The following KAZN variants were observed in gnomAD, a reference collection of about 807,000 sequenced individuals.
KAZN encodes kazrin.
A neutral mutation model predicts 87.4 loss-of-function variants in KAZN; 40 were observed. The observed-to-expected ratio is 0.46, with a 90% CI of 0.36 to 0.60. The LOEUF is 0.60. KAZN is among the 20% of genes least tolerant of loss of function. The probability of loss-of-function intolerance (pLI) is 0.00; values close to 1 mark genes in which losing one functional copy is unlikely to be tolerated. For synonymous variants in KAZN, 466 were observed against 458.3 expected (o/e 1.02, Z -0.22); for missense variants, 898 against 1,073.9 (o/e 0.84, Z 2.29).
chr1:15,057,006 G>A (rs1465844884), intron 5 of KAZN, among the ~76,000 whole-genome samples: 3 of 152,262 alleles, frequency 2.0e-5, no homozygotes. Context: ...CCAGAGGTAA[G>A]AGCTGGTCAC....
chr1:14,542,294 T>G (rs1296431517), intron 2 of KAZN, among the ~76,000 whole-genome samples: 1 of 46,208 alleles, frequency 2.2e-5, no homozygotes, highest in Non-Finnish European at 4.0e-5. Context: ...GGGACTGTTG[T>G]GGGGTGGGGG....
intron 2 of KAZN, among the ~76,000 whole-genome samples, chr1:14,420,883 T>TCCCTCCACCCCTCCCCTCCACACCTC (rs1665368596): frequency 6.8e-6 from 1 of 146,920 alleles, no homozygotes. Context: ...CCCGCACCTC[T>TCCCTCCACCCCTCCCCTCCACACCTC]CCCTCCACAC....
chr1:14,476,880 C>T (rs1042374414), intron 2 of KAZN, among the ~76,000 whole-genome samples: 13 of 152,116 alleles, frequency 8.5e-5, no homozygotes, highest in African/African-American at 2.7e-4. Context: ...TTTTGTTCTC[C>T]GACTATACCA....
At chr1:14,028,971 T>C (rs1024140466) in intron 1 of KAZN, among the ~76,000 whole-genome samples, 3 of 152,342 alleles carry the variant, frequency 2.0e-5, no homozygotes, top group African/African-American at 7.2e-5. Flanking sequence ...TGATTTATAG[T>C]CCTTTGGGTA....
intron 1 of KAZN, among the ~76,000 whole-genome samples, chr1:13,997,278 A>G (rs994305599): frequency 3.9e-5 from 6 of 152,192 alleles, no homozygotes; most frequent in Admixed American, 3.3e-4. Context: ...GAATCAATGA[A>G]AAAATGCTGA....
intron 1 of KAZN, among the ~76,000 whole-genome samples, chr1:14,081,491 G>A (rs1361599201): frequency 1.3e-5 from 2 of 151,998 alleles, no homozygotes; most frequent in East Asian, 1.9e-4. Flanking sequence ...TGTATGGCTC[G>A]TGTGCTAGGA....
chr1:13,981,089 T>TTATATATATATATA lies in KAZN; in HGVS notation c.91+87341_91+87354dup, dbSNP rs1205017791. 9.0e-4 allele frequency among the ~76,000 whole-genome samples: 57 copies of TTATATATATATATA among 63,120 alleles called. 3 individuals are homozygous for TTATATATATATATA. The highest frequency in any genetic ancestry group is 3.0e-3 in the African/African-American group (51 of 17,228). The allele number at this position is 63,120 out of a possible 152,430, so 41.4% of individuals were successfully genotyped here. A position where few individuals can be genotyped will look rare whatever the true frequency, so the allele number is the denominator to read the frequency against. ...TTGGAGAGGTATAAAAAATTACTCTTTATATATATATATATATATATGTAT... is the reference window on the plus strand; with the variant it reads ...TTGGAGAGGTATAAAAAATTACTCTTTATATATATATATATATATATATATATATATATATGTAT... On this transcript the variant is annotated intron_variant, in intron 1 of 16. Transcript: ENST00000636203.
At chr1:14,632,569 CT>C (rs36056434) in intron 1 of KAZN, among the ~76,000 whole-genome samples, 1,984 of 131,042 alleles carry the variant, frequency 0.015, 22 homozygotes, top group African/African-American at 0.034. Context: ...TTCTTTTGGG[CT>C]TTTTTTTTTT....
At chr1:14,868,434 G>C (rs1049273033) in intron 1 of KAZN, among the ~76,000 whole-genome samples, 3 of 152,192 alleles carry the variant, frequency 2.0e-5, no homozygotes, top group Admixed American at 2.0e-4. Context: ...CTCAGAGTTG[G>C]AGCAACTCAT....
intron 1 of KAZN, among the ~76,000 whole-genome samples, chr1:13,953,108 C>T (rs1026010394): frequency 1.3e-5 from 2 of 152,038 alleles, no homozygotes; most frequent in African/African-American, 4.8e-5. Context: ...AGAACGGCCC[C>T]CGAATTCAAT....
chr1:14,573,292 A>G (rs1326619932), intron 2 of KAZN, among the ~76,000 whole-genome samples: 1 of 152,196 alleles, frequency 6.6e-6, no homozygotes, highest in Non-Finnish European at 1.5e-5. Flanking sequence ...AAAAGCAACT[A>G]CATTTTCAGG....
Position 14,017,764 on chromosome 1 carries a change from G to A in KAZN, c.91+124008G>A, listed in dbSNP as rs79192635. On this transcript the variant is annotated intron_variant, in intron 1 of 16. Coordinates refer to the KAZN transcript ENST00000636203. ...AAATTTTCCAGCATGAGAAAAGACCGTGCGTTGGAATTCTGTTTCCGCTTG... is the reference window on the plus strand; with the variant it reads ...AAATTTTCCAGCATGAGAAAAGACCATGCGTTGGAATTCTGTTTCCGCTTG... Among the ~76,000 whole-genome samples the A allele has an allele frequency of 2.4e-3, 358 of 152,314 alleles. 4 individuals carry two copies. The highest frequency in any genetic ancestry group is 8.4e-3 in the African/African-American group (349 of 41,568).
At chr1:14,425,296 G>A (rs181587286) in intron 2 of KAZN, among the ~76,000 whole-genome samples, 1 of 152,270 alleles carries the variant, frequency 6.6e-6, no homozygotes, top group Non-Finnish European at 1.5e-5. Context: ...CATAGCTGGG[G>A]GCATCTGGAA....
In KAZN at chr1:14,255,140, A is replaced by C. The variant is rs910617959; in HGVS notation, c.249+74548A>C. Reference sequence around the variant, plus strand: ...GTCTCAAAAAAAAAAAAAAAAAAAAAGAAGAAGAAGAAGAAGAAAGGGGAG... The same window carrying C: ...GTCTCAAAAAAAAAAAAAAAAAAAACGAAGAAGAAGAAGAAGAAAGGGGAG... On this transcript the variant is annotated intron_variant, in intron 2 of 16. Transcript: ENST00000636203. Among the ~76,000 whole-genome samples the C allele has an allele frequency of 5.0e-4, 59 of 117,000 alleles. No homozygotes were observed. The East Asian group carries it at 0.014, about 28-fold the overall frequency. 76.8% of individuals were successfully genotyped at this position (117,000 alleles called of 152,430 possible). A position where few individuals can be genotyped will look rare whatever the true frequency, so the allele number is the denominator to read the frequency against.
intron 1 of KAZN, among the ~76,000 whole-genome samples, chr1:14,607,186 T>C (rs1023065049): frequency 6.6e-6 from 1 of 152,252 alleles, no homozygotes; most frequent in Non-Finnish European, 1.5e-5. Flanking sequence ...TAGATGATTT[T>C]AATTGAGTGC....
chr1:14,151,881 T>A (rs904196965), intron 1 of KAZN, among the ~76,000 whole-genome samples: 99 of 152,276 alleles, frequency 6.5e-4, no homozygotes, highest in African/African-American at 2.2e-3. Flanking sequence ...ATGGTTGTGG[T>A]ATGACATTAT....
chr1:15,064,997 C>G (rs1639106021), intron 7 of KAZN, among the ~76,000 whole-genome samples: 1 of 151,948 alleles, frequency 6.6e-6, no homozygotes, highest in African/African-American at 2.4e-5. Flanking sequence ...CTGTGGCACA[C>G]CAGACACCGT....
intron 5 of KAZN, among the ~76,000 whole-genome samples, chr1:15,058,023 C>T (rs911456599): frequency 6.6e-6 from 1 of 152,236 alleles, no homozygotes; most frequent in African/African-American, 2.4e-5. Flanking sequence ...TTTTATCAGA[C>T]ACCCCCTCCT....
In KAZN at chr1:14,184,435, T is replaced by G. The variant is rs140943476; in HGVS notation, c.249+3843T>G. ...TTTCCTGTTCTTTCCTTGTCTGTCT[T>G]TCTTTCTGTTATTTGTGTTCGGGGA... On this transcript the variant is annotated intron_variant, in intron 2 of 16. Transcript: ENST00000636203. This position sits in a 1 kb window ranked among gnomAD's most constrained non-coding sequence, Gnocchi z 4.2. Among the ~76,000 whole-genome samples the G allele has an allele frequency of 7.0e-3, 1,067 of 152,264 alleles. 10 individuals carry two copies. Among genetic ancestry groups the G allele is most frequent in the African/African-American group, 0.024 (994 of 41,548 alleles).
Sources: allele counts gnomAD v4.1 joint callset (sites outside exome capture counted in the v4.1 genomes callset), GRCh38; gene constraint gnomAD v4.1.1; non-coding constraint Gnocchi (gnomAD v3.1); transcripts MANE v1.5; gene names NCBI Gene and HGNC (gene_info 2026-07-23, HGNC 2026-07-21).